The following CFAP70 variants were observed in gnomAD, a reference collection of about 807,000 sequenced individuals.
The protein encoded by CFAP70 is cilia and flagella associated protein 70.
CFAP70 carries 81 observed loss-of-function variants against 137.6 expected under a neutral mutation model. That is an observed-to-expected ratio of 0.59 (90% CI 0.49 to 0.71). The LOEUF (loss-of-function observed/expected upper bound fraction) is 0.71, where lower values mean the gene tolerates loss of function less well. CFAP70 is among the 30% of genes least tolerant of loss of function. The pLI is 0.00. For synonymous variants in CFAP70, 382 were observed against 423.6 expected, an observed-to-expected ratio of 0.90 and a Z score of 1.20; for missense variants, 976 against 1,226.7, an observed-to-expected ratio of 0.80 and a Z score of 3.05.
chr10:73,306,605 T>C (rs1401931966), intron 12 of CFAP70, among the ~76,000 whole-genome samples: 4 of 152,250 alleles, frequency 2.6e-5, no homozygotes, highest in Admixed American at 6.5e-5. Context: ...AGGTGTCTCA[T>C]GCCTATAATC....
At chr10:73,340,758 C>T (rs959222833) in intron 6 of CFAP70, among the ~76,000 whole-genome samples, 2 of 152,360 alleles carry the variant, frequency 1.3e-5, no homozygotes, top group Non-Finnish European at 2.9e-5. Context: ...GTTGTGACAG[C>T]ACCAGGCTTG....
rs58611619 is a variant in CFAP70 at position 73,336,580 on chromosome 10, CTTT to C, written c.583-1059_583-1057del. 6.5e-3 allele frequency among the ~76,000 whole-genome samples: 802 copies of C among 124,200 alleles called. 4 individuals are homozygous for C. Among genetic ancestry groups the C allele is most frequent in the African/African-American group, 0.025 (759 of 30,888 alleles). 81.5% of individuals were successfully genotyped at this position (124,200 alleles called of 152,430 possible). ...TTTGCAAGTGTGTTATACTATTTTCCTTTTTTTTTTTTTTTTTTTTTGAGACAG... is the reference window on the plus strand; with the variant it reads ...TTTGCAAGTGTGTTATACTATTTTCCTTTTTTTTTTTTTTTTTTGAGACAG... On this transcript the variant is annotated intron_variant, in intron 6 of 26. Coordinates refer to ENST00000310715, the Ensembl canonical transcript of CFAP70.
At chr10:73,261,585 C>T (rs1426748561) in intron 25 of CFAP70, among the ~76,000 whole-genome samples, 12 of 152,120 alleles carry the variant, frequency 7.9e-5, no homozygotes, top group Non-Finnish European at 1.5e-4. Flanking sequence ...AAAAGAGCCA[C>T]CCCCATAATT....
At chr10:73,306,679 G>C (rs971923140) in intron 12 of CFAP70, among the ~76,000 whole-genome samples, 1 of 152,056 alleles carries the variant, frequency 6.6e-6, no homozygotes, top group African/African-American at 2.4e-5. Context: ...ACCAGCCTGG[G>C]AAACATAGTG....
At chr10:73,310,635 A>G (rs1258096049) in intron 11 of CFAP70, among the ~76,000 whole-genome samples, 3 of 152,108 alleles carry the variant, frequency 2.0e-5, no homozygotes, top group Non-Finnish European at 4.4e-5. Context: ...ATTCCCACTC[A>G]CAGTCTCCTC....
At chr10:73,274,669 T>C (rs1344096250) in intron 22 of CFAP70, 75 bp from the exon 24 acceptor site, 2 of 1,326,418 alleles carry the variant, frequency 1.5e-6, no homozygotes, top group Non-Finnish European at 2.0e-6. Context: ...TTGTTTAACA[T>C]TTAAATTTAG....
At chr10:73,323,517 C>A (rs190406121) in intron 8 of CFAP70, among the ~76,000 whole-genome samples, 1 of 152,146 alleles carries the variant, frequency 6.6e-6, no homozygotes, top group Non-Finnish European at 1.5e-5. Context: ...TGAAGCAGGG[C>A]GAGGCACTGC....
At position 73,275,289 on chromosome 10, in the gene CFAP70, T is replaced by A; in HGVS notation, c.2673+157A>T. 1.3e-6 allele frequency: 1 copy of A among 748,916 alleles called. No individual in the cohort carries two copies. The highest frequency in any genetic ancestry group is 3.8e-5 in the South Asian group (1 of 26,572). The allele number at this position is 748,916 out of a possible 1,614,324, so 46.4% of individuals were successfully genotyped here. Reference sequence around the variant, plus strand: ...CCACCGCGCCCAGCCAACTCATGATTACTTAAGAAAAGCAAATGGAAGGGT... The same window carrying A: ...CCACCGCGCCCAGCCAACTCATGATAACTTAAGAAAAGCAAATGGAAGGGT... On this transcript the variant is annotated intron_variant, in intron 22 of 26. Transcript: ENST00000310715. This position sits in a 1 kb window ranked among gnomAD's most constrained non-coding sequence, Gnocchi z 4.0.
At chr10:73,354,467 G>GA (rs1304078134) in intron 2 of CFAP70, among the ~76,000 whole-genome samples, 2 of 152,012 alleles carry the variant, frequency 1.3e-5, no homozygotes, top group African/African-American at 2.4e-5. Context: ...AGGAGAAAGG[G>GA]AAAAAAATTA....
At chr10:73,291,493 A>G in intron 18 of CFAP70, 49 bp from the exon 20 acceptor site, 2 of 1,562,352 alleles carry the variant, frequency 1.3e-6, no homozygotes, top group East Asian at 2.2e-5. Flanking sequence ...TCCCACTATC[A>G]TATACTAAAG....
At chr10:73,356,719 G>A (rs2054709398) in intron 1 of CFAP70, among the ~76,000 whole-genome samples, 1 of 152,158 alleles carries the variant, frequency 6.6e-6, no homozygotes, top group South Asian at 2.1e-4. Context: ...TAGTGGCACT[G>A]ACAACTTCTT....
chr10:73,358,696 G>A (rs913547931), intron 1 of CFAP70, 82 bp downstream of exon 1: 2 of 152,550 alleles, frequency 1.3e-5, no homozygotes, highest in Admixed American at 6.5e-5. Flanking sequence ...GTTTCTTCAG[G>A]AGGGATCACT....
chr10:73,351,690 C>T (rs1346425501), intron 3 of CFAP70, among the ~76,000 whole-genome samples: 2 of 152,186 alleles, frequency 1.3e-5, no homozygotes, highest in Non-Finnish European at 2.9e-5. Flanking sequence ...CTCAGCCTCC[C>T]AAAGTTCTGG....
At chr10:73,297,021 C>T (rs2048593187) in intron 15 of CFAP70, 21 bp downstream of exon 16, 7 of 1,606,520 alleles carry the variant, frequency 4.4e-6, no homozygotes, top group Non-Finnish European at 5.9e-6. Flanking sequence ...AAAGAAAGTG[C>T]TCTCAGTTCT....
At chr10:73,349,446 G>A (rs2054010520) in intron 3 of CFAP70, among the ~76,000 whole-genome samples, 1 of 152,058 alleles carries the variant, frequency 6.6e-6, no homozygotes, top group African/African-American at 2.4e-5. Flanking sequence ...AAGAGGCTGA[G>A]GCAGGAGAAT....
chr10:73,324,671 G>A (rs7093456), intron 8 of CFAP70, among the ~76,000 whole-genome samples: 6,812 of 152,216 alleles, frequency 0.045, 462 homozygotes, highest in African/African-American at 0.15. Context: ...GCCAAGGCTC[G>A]AGAACTACGT....
intron 19 of CFAP70, among the ~76,000 whole-genome samples, chr10:73,284,716 T>C (rs1371718253): frequency 9.3e-6 from 1 of 107,274 alleles, no homozygotes; most frequent in Non-Finnish European, 1.9e-5. Flanking sequence ...AACTATAGCC[T>C]ATGGGCCATA....
intron 14 of CFAP70, among the ~76,000 whole-genome samples, chr10:73,297,893 C>T (rs1316547453): frequency 2.0e-5 from 3 of 152,146 alleles, no homozygotes; most frequent in South Asian, 2.1e-4. Flanking sequence ...GATAAAGTCA[C>T]GTTTCAAGGT....
intron 25 of CFAP70, among the ~76,000 whole-genome samples, chr10:73,264,873 G>A (rs377107530): frequency 6.6e-6 from 1 of 152,004 alleles, no homozygotes. Context: ...AAAAATATAC[G>A]AAACATTAGC....
Sources: allele counts gnomAD v4.1 joint callset (sites outside exome capture counted in the v4.1 genomes callset), GRCh38; gene constraint gnomAD v4.1.1; non-coding constraint Gnocchi (gnomAD v3.1); transcripts MANE v1.5; gene names NCBI Gene and HGNC (gene_info 2026-07-23, HGNC 2026-07-21).